The following NLGN3 variants were observed in gnomAD, a reference collection of about 807,000 sequenced individuals.
NLGN3 encodes the protein neuroligin-3.
NLGN3 carries 11 observed loss-of-function variants against 42.9 expected under a neutral mutation model. That is an observed-to-expected ratio of 0.26 (90% CI 0.16 to 0.42). NLGN3 has a LOEUF of 0.42. Ranked by LOEUF, NLGN3 falls within the 10% of genes least tolerant of loss-of-function variation. The pLI is 1.00. For missense variants in NLGN3, 374 were observed against 733.8 expected, an observed-to-expected ratio of 0.51 and a Z score of 5.67; for synonymous variants, 279 against 312.7, an observed-to-expected ratio of 0.89 and a Z score of 1.14.
chrX:71,172,627 C>CGTGTGTGTGTGTGTGT (rs59876964), downstream of NLGN3, among the ~76,000 whole-genome samples: 20 of 100,498 alleles, frequency 2.0e-4, no homozygotes, highest in African/African-American at 6.3e-4. Context: ...TGTGTGCATG[C>CGTGTGTGTGTGTGTGT]GTGTGTGTGT....
downstream of NLGN3, among the ~76,000 whole-genome samples, chrX:71,173,020 C>T (rs1275620896): frequency 9.2e-6 from 1 of 108,398 alleles, no homozygotes; most frequent in African/African-American, 3.4e-5. Flanking sequence ...CCATGTTGCC[C>T]AGGCTGGTCT....
In NLGN3 at chrX:71,169,651, C is replaced by G. The variant is rs762696905; in HGVS notation, c.2101C>G (p.Pro701Ala). The G allele has an allele frequency of 3.3e-6, 4 of 1,210,585 alleles. No homozygotes were observed. Among genetic ancestry groups the G allele is most frequent in the African/African-American group, 3.5e-5 (2 of 57,330 alleles). The change falls in exon 8 of 8, where the codon CCT (proline) becomes GCT (alanine). Residue 701 changes from proline to alanine, a missense_variant. Coordinates refer to ENST00000358741, the MANE Select transcript of NLGN3 (RefSeq NM_181303.2). ...TGCAGGGCCACTCCTGGTGGAGAAC[C>G]CTCGTGACTACTCCACTGAATTAAG... ...QDAGPLLVEN[P>A]RDYSTELSVT...
chrX:71,169,488 A>C lies in NLGN3; in HGVS notation c.1938A>C (p.Lys646Asn). Residue 646 changes from lysine to asparagine, a missense_variant, in exon 8 of 8, where the codon AAA (lysine) becomes AAC (asparagine). Physicochemically the swap from Lys to Asn is moderately conservative, Grantham distance 94. This residue lies in a region of NLGN3 where 142 missense variants were observed against 359.1 expected (regional missense o/e 0.40). Transcript: ENST00000358741. Reference sequence around the variant, plus strand: ...TCCACTATACGTCCACCACCACCAAAGTGCCGCCTCCGGATACCACCCACA... The same window carrying C: ...TCCACTATACGTCCACCACCACCAACGTGCCGCCTCCGGATACCACCCACA... ...DMFHYTSTTT[K>N]VPPPDTTHSS... 8.3e-7 allele frequency: 1 copy of C among 1,211,703 alleles called. No homozygotes were observed. Among genetic ancestry groups the C allele is most frequent in the Non-Finnish European group, 1.1e-6 (1 of 895,457 alleles).
At chrX:71,164,473 GT>G in intron 6 of NLGN3, 145 bp downstream of exon 6, 1 of 560,000 alleles carries the variant, frequency 1.8e-6, no homozygotes, top group Non-Finnish European at 2.8e-6. Context: ...GAAGAGAAAT[GT>G]TTCTCTGGGA....
At chrX:71,171,379 A>G (rs985345234), downstream of NLGN3, among the ~76,000 whole-genome samples, 2 of 108,448 alleles carry the variant, frequency 1.8e-5, no homozygotes. Flanking sequence ...GGGCCCCTGC[A>G]TGAAGGCCTC....
Position 71,169,416 on chromosome X carries a change from C to G in NLGN3, c.1866C>G (p.Ala622=), listed in dbSNP as rs2092462565. Reference sequence around the variant, plus strand: ...ATCATTACCGGGCCACTAAGGTGGCCTTTTGGAAACATCTGGTGCCCCACC... The same window carrying G: ...ATCATTACCGGGCCACTAAGGTGGCGTTTTGGAAACATCTGGTGCCCCACC... ...VRDHYRATKV[A]FWKHLVPHLY... is the part of the protein sequence containing the mutation. Residue 622 remains alanine, a synonymous_variant, in exon 8 of 8, where the codon GCC becomes GCG. Coordinates refer to ENST00000358741, the MANE Select transcript of NLGN3 (RefSeq NM_181303.2). 8 of 1,209,105 alleles carry G rather than the reference C, an allele frequency of 6.6e-6. No homozygotes were observed. In the East Asian group the frequency reaches 2.4e-4, roughly 36 times the overall value.
At chrX:71,154,232 C>T (rs2092400524) in intron 4 of NLGN3, among the ~76,000 whole-genome samples, 1 of 113,396 alleles carries the variant, frequency 8.8e-6, no homozygotes, top group Non-Finnish European at 1.9e-5. Context: ...GTTCTGTTTG[C>T]TCCGCAGCAG....
At chrX:71,154,766 C>T (rs866864440) in intron 4 of NLGN3, among the ~76,000 whole-genome samples, 1 of 111,585 alleles carries the variant, frequency 9.0e-6, no homozygotes, top group Non-Finnish European at 1.9e-5. Flanking sequence ...TGCCAATGGC[C>T]GTTTTTCCAT....
Position 71,169,417 on chromosome X carries a change from T to C in NLGN3, c.1867T>C (p.Phe623Leu). The change falls in exon 8 of 8, where the codon TTT becomes CTT. Residue 623 changes from phenylalanine to leucine, a missense_variant. Transcript: ENST00000358741. Reference protein sequence around the residue: ...RDHYRATKVAFWKHLVPHLYN... With the variant: ...RDHYRATKVALWKHLVPHLYN... ...TCATTACCGGGCCACTAAGGTGGCCTTTTGGAAACATCTGGTGCCCCACCT... is the reference window on the plus strand; with the variant it reads ...TCATTACCGGGCCACTAAGGTGGCCCTTTGGAAACATCTGGTGCCCCACCT... 1 of 1,208,865 alleles carries C rather than the reference T, an allele frequency of 8.3e-7. No individual in the cohort carries two copies. Among genetic ancestry groups the C allele is most frequent in the Non-Finnish European group, 1.1e-6 (1 of 894,017 alleles).
intron 7 of NLGN3, among the ~76,000 whole-genome samples, chrX:71,168,863 A>AAG (rs1569485704): frequency 2.3e-5 from 2 of 88,364 alleles, no homozygotes; most frequent in Non-Finnish European, 4.0e-5. Flanking sequence ...GAAAGAAAGA[A>AAG]AGAAAGAGAA....
At chrX:71,166,839 G>A (rs2092448858) in intron 6 of NLGN3, among the ~76,000 whole-genome samples, 172 bp from the exon 7 acceptor site, 1 of 112,174 alleles carries the variant, frequency 8.9e-6, no homozygotes. Flanking sequence ...AAGCCATCAA[G>A]GAAGGGGTTC....
rs781336181 is a variant in NLGN3, at chrX:71,169,368, C to T, written c.1818C>T (p.Ile606=). 32 of 1,203,355 alleles carry T rather than the reference C, an allele frequency of 2.7e-5. No individual in the cohort carries two copies. Among genetic ancestry groups the T allele is most frequent in the Admixed American group, 4.5e-5 (2 of 44,889 alleles). ...YNPRDQLYLH[I]GLKPRVRDHY... is the part of the protein sequence containing the mutation. Reference sequence around the variant, plus strand: ...CCCGAGACCAGCTCTACCTTCACATCGGGCTGAAACCAAGGGTCCGAGATC... The same window carrying T: ...CCCGAGACCAGCTCTACCTTCACATTGGGCTGAAACCAAGGGTCCGAGATC... The change falls in exon 8 of 8, where the codon ATC becomes ATT. Residue 606 remains isoleucine, a synonymous_variant. Coordinates refer to ENST00000358741, the MANE Select transcript of NLGN3 (RefSeq NM_181303.2).
In NLGN3 at chrX:71,144,974, C is replaced by T. The variant is rs1047254543; in HGVS notation, c.-201+10C>T. Reference sequence around the variant, plus strand: ...GCAGCCCGGGGAACAGGTGAGGCCGCCTGCCCCGGTCTCTCATCCTCTAGC... The same window carrying T: ...GCAGCCCGGGGAACAGGTGAGGCCGTCTGCCCCGGTCTCTCATCCTCTAGC... On this transcript the variant is annotated intron_variant, in intron 1 of 7. Coordinates refer to ENST00000358741, the MANE Select transcript of NLGN3 (RefSeq NM_181303.2). 2 of 110,386 alleles carry T rather than the reference C, an allele frequency of 1.8e-5. No individual in the cohort carries two copies. The highest frequency in any genetic ancestry group is 6.6e-5 in the African/African-American group (2 of 30,199). The allele number at this position is 110,386 out of a possible 1,213,427, so 9.1% of individuals were successfully genotyped here.
At chrX:71,166,531 C>T (rs2092447941) in intron 6 of NLGN3, among the ~76,000 whole-genome samples, 2 of 111,664 alleles carry the variant, frequency 1.8e-5, no homozygotes, top group South Asian at 7.5e-4. Context: ...CTTTCAGACC[C>T]GAAGGCCTTT....
At chrX:71,148,561 T>A (rs1378977802) in intron 2 of NLGN3, among the ~76,000 whole-genome samples, 2 of 111,618 alleles carry the variant, frequency 1.8e-5, no homozygotes, top group African/African-American at 6.5e-5. Flanking sequence ...CCATTCCACC[T>A]GCTTCGAAAG....
chrX:71,148,343 GCCTCCCACCCC>G, intron 2 of NLGN3, 137 bp downstream of exon 2: 1 of 519,670 alleles, frequency 1.9e-6, no homozygotes, highest in Non-Finnish European at 3.4e-6. Flanking sequence ...ACTCTGCTTG[GCCTCCCACCCC>G]CCTCCCTGTT....
rs1031432721 is a variant in NLGN3 at position 71,147,944 on chromosome X, T to C, written c.195T>C (p.Pro65=). Residue 65 remains proline (P), a synonymous_variant, in exon 2 of 8, where the codon CCT becomes CCC. Coordinates refer to ENST00000358741, the MANE Select transcript of NLGN3 (RefSeq NM_181303.2). ...RVPLPSEILG[P]VDQYLGVPYA... is the part of the protein sequence containing the mutation. ...CACTGCCCAGTGAGATCCTGGGGCC[T>C]GTGGACCAATACCTGGGGGTGCCCT... The C allele has an allele frequency of 1.7e-6, 2 of 1,209,367 alleles. No homozygotes were observed. Among genetic ancestry groups the C allele is most frequent in the South Asian group, 3.5e-5 (2 of 56,630 alleles).
In NLGN3 at chrX:71,164,416, T is replaced by C. The variant is rs188616400; in HGVS notation, c.913+88T>C. ...CCATGCCCCAGGGCATCCAAGGGAA[T>C]CGGCCAGCTCTCTTCTACCAGCTTG... On this transcript the variant is annotated intron_variant, in intron 6 of 7. Coordinates refer to ENST00000358741, the MANE Select transcript of NLGN3 (RefSeq NM_181303.2). 57 of 936,845 alleles carry C rather than the reference T, an allele frequency of 6.1e-5. No homozygotes were observed. In the East Asian group the frequency reaches 1.5e-3, roughly 24 times the overall value. The allele number at this position is 936,845 out of a possible 1,213,427, so 77.2% of individuals were successfully genotyped here.
At position 71,170,468 on chromosome X, in the gene NLGN3, C is replaced by G; in HGVS notation, c.*371C>G. The stretch of plus-strand genomic sequence containing the variant: ...CCCTTGGTGCTCGCCTTCGGCCTCT[C>G]TTGGAACTGCACCACCGACCAACTC... On this transcript the variant is annotated 3_prime_UTR_variant, in exon 8 of 8. Transcript: ENST00000358741. 1.1e-6 allele frequency: 1 copy of G among 902,543 alleles called. No homozygotes were observed. Among genetic ancestry groups the G allele is most frequent in the South Asian group, 3.1e-5 (1 of 31,857 alleles). The allele number at this position is 902,543 out of a possible 1,213,427, so 74.4% of individuals were successfully genotyped here.
Sources: gnomAD v4.1 joint callset for allele counts (sites outside exome capture counted in the v4.1 genomes callset) on GRCh38, gnomAD v4.1.1 for gene constraint, gnomAD v4.1.1 regional missense constraint, MANE v1.5 for transcripts, NCBI Gene and HGNC (gene_info 2026-07-23, HGNC 2026-07-21) for gene names.